LCA5: variants seen among roughly 807,000 people sequenced by gnomAD.
LCA5 encodes lebercilin.
Under a neutral mutation model 53.0 loss-of-function variants are expected in LCA5, and 37 were observed. The ratio of observed to expected loss-of-function variants is 0.70; its 90% confidence interval spans 0.54 to 0.92. The LOEUF (loss-of-function observed/expected upper bound fraction) is 0.92, where lower values mean the gene tolerates loss of function less well. Ranked by LOEUF, LCA5 falls within the 40% of genes least tolerant of loss-of-function variation. LCA5 has a pLI of 0.00. For missense variants in LCA5, 806 were observed against 790.5 expected (o/e 1.02, Z -0.23); for synonymous variants, 303 against 282.9 (o/e 1.07, Z -0.71).
At chr6:79,491,324 A>C (rs2127668491) in intron 6 of LCA5, among the ~76,000 whole-genome samples, 1 of 152,234 alleles carries the variant, frequency 6.6e-6, no homozygotes, top group South Asian at 2.1e-4. Context: ...ACATGTGCAC[A>C]ACGTGCAGGT....
chr6:79,530,494 C>G (rs960408143), intron 1 of LCA5, among the ~76,000 whole-genome samples: 1 of 152,082 alleles, frequency 6.6e-6, no homozygotes, highest in Admixed American at 6.6e-5. Flanking sequence ...TGCACATGTA[C>G]CCCTGAACTT....
chr6:79,486,652 C>T lies in LCA5; in HGVS notation c.*352G>A, dbSNP rs992799016. On this transcript the variant is annotated 3_prime_UTR_variant, in exon 8 of 8. Transcript: ENST00000369846. ...ATTAGTGGGAAGACTGTATTTAGCA[C>T]AGTGAGAATATGATTAAAAATAAAT... is the stretch of plus-strand genomic sequence containing the variant. The T allele has an allele frequency of 9.9e-6, 2 of 201,634 alleles. No individual in the cohort carries two copies. Among genetic ancestry groups the T allele is most frequent in the Admixed American group, 5.6e-5 (1 of 17,990 alleles). The allele number at this position is 201,634 out of a possible 1,614,324, so 12.5% of individuals were successfully genotyped here. A position where few individuals can be genotyped will look rare whatever the true frequency, so the allele number is the denominator to read the frequency against.
intron 1 of LCA5, 146 bp from the exon 2 acceptor site, chr6:79,519,231 A>G: frequency 8.7e-6 from 3 of 345,634 alleles, no homozygotes; most frequent in South Asian, 8.6e-5. Context: ...TTCACAGATA[A>G]GTTACTTACA....
At chr6:79,495,884 A>G (rs1279116353) in intron 3 of LCA5, among the ~76,000 whole-genome samples, 2 of 152,142 alleles carry the variant, frequency 1.3e-5, no homozygotes, top group East Asian at 3.9e-4. Context: ...TTGAAAAAAA[A>G]AATCTTTGCA....
chr6:79,501,860 A>G lies in LCA5; in HGVS notation c.721-8110T>C, dbSNP rs972548345. On this transcript the variant is annotated intron_variant, in intron 3 of 7. Transcript: ENST00000369846. Reference sequence around the variant, plus strand: ...ATAGAGTTCTATAACTGTATATTCTATAAGTATATAGTATAACAGTATAGT... The same window carrying G: ...ATAGAGTTCTATAACTGTATATTCTGTAAGTATATAGTATAACAGTATAGT... 3.3e-5 allele frequency among the ~76,000 whole-genome samples: 5 copies of G among 151,484 alleles called. No homozygotes were observed. In the East Asian group the frequency reaches 5.8e-4, roughly 18 times the overall value.
chr6:79,509,059 T>G (rs1045464966), intron 3 of LCA5, among the ~76,000 whole-genome samples: 2 of 152,076 alleles, frequency 1.3e-5, no homozygotes, highest in African/African-American at 4.8e-5. Context: ...TAGAGAACAA[T>G]TACCCTCAGG....
At position 79,487,574 on chromosome 6, in the gene LCA5, T is replaced by C. The variant is rs1582610671; in HGVS notation, c.1524A>G (p.Thr508=). The C allele has an allele frequency of 5.0e-6, 8 of 1,614,052 alleles. No homozygotes were observed. The East Asian group carries it at 1.6e-4, about 31-fold the overall frequency. The change falls in exon 8 of 8, where the codon ACA becomes ACG. Residue 508 remains threonine, a synonymous_variant. Coordinates refer to ENST00000369846, the MANE Select transcript of LCA5 (RefSeq NM_001122769.3). ...KLHSPERSPK[T]YRFSESSERL... is the part of the protein sequence containing the mutation. The stretch of plus-strand genomic sequence containing the variant: ...TCTCTGAGGATTCAGAGAACCTGTA[T>C]GTTTTGGGGCTTCTCTCTGGGGAGT...
chr6:79,536,628 T>TAGAA (rs1053513414), intron 1 of LCA5, among the ~76,000 whole-genome samples: 4 of 152,208 alleles, frequency 2.6e-5, no homozygotes, highest in African/African-American at 9.7e-5. Flanking sequence ...GAAGGATGTA[T>TAGAA]AGAAGTATCA....
intron 1 of LCA5, among the ~76,000 whole-genome samples, chr6:79,528,223 G>A (rs1485242400): frequency 1.3e-5 from 2 of 152,150 alleles, no homozygotes; most frequent in East Asian, 3.9e-4. Context: ...CTGCATTGCG[G>A]AGGTCAAATC....
chr6:79,495,372 C>T (rs991342247), intron 3 of LCA5, among the ~76,000 whole-genome samples: 2 of 151,586 alleles, frequency 1.3e-5, no homozygotes, highest in African/African-American at 2.4e-5. Context: ...CCCTCTGTGT[C>T]TGTAGGGGAT....
chr6:79,503,127 C>A (rs1392701432), intron 3 of LCA5, among the ~76,000 whole-genome samples: 1 of 152,198 alleles, frequency 6.6e-6, no homozygotes, highest in East Asian at 1.9e-4. Context: ...ACTGATCCAT[C>A]TGCCTTGGCC....
intron 3 of LCA5, among the ~76,000 whole-genome samples, chr6:79,501,207 C>A (rs558031095): frequency 6.6e-6 from 1 of 152,190 alleles, no homozygotes; most frequent in South Asian, 2.1e-4. Flanking sequence ...TTATTTTAGG[C>A]CAGATTTTGA....
intron 1 of LCA5, among the ~76,000 whole-genome samples, chr6:79,532,967 A>C (rs538637581): frequency 6.6e-6 from 1 of 152,300 alleles, no homozygotes; most frequent in Non-Finnish European, 1.5e-5. Context: ...GAAAATATTA[A>C]ATCTTCCCTC....
chr6:79,538,602 G>C (rs1311807928), upstream of LCA5, among the ~76,000 whole-genome samples: 1 of 152,132 alleles, frequency 6.6e-6, no homozygotes, highest in Non-Finnish European at 1.5e-5. Context: ...TGTTAAAATA[G>C]CTCACTCGTT....
intron 4 of LCA5, among the ~76,000 whole-genome samples, chr6:79,493,338 T>G (rs1769892185): frequency 6.6e-6 from 1 of 152,282 alleles, no homozygotes; most frequent in Admixed American, 6.5e-5. Context: ...GAAGCTCTAG[T>G]TCCCATAATT....
intron 1 of LCA5, among the ~76,000 whole-genome samples, chr6:79,524,793 G>A (rs1398327270): frequency 1.3e-5 from 2 of 151,968 alleles, no homozygotes; most frequent in African/African-American, 4.8e-5. Flanking sequence ...ATACCAGTGA[G>A]CCTTTTTTGT....
At chr6:79,536,862 AG>A (rs1767149481) in intron 1 of LCA5, among the ~76,000 whole-genome samples, 1 of 152,048 alleles carries the variant, frequency 6.6e-6, no homozygotes, top group Admixed American at 6.6e-5. Flanking sequence ...TCTCGGTCCC[AG>A]GAAGTAAATA....
intron 1 of LCA5, among the ~76,000 whole-genome samples, chr6:79,531,244 T>G (rs1766951524): frequency 6.6e-6 from 1 of 152,166 alleles, no homozygotes; most frequent in African/African-American, 2.4e-5. Flanking sequence ...CCCTCTCAAC[T>G]CTGCTAAAAC....
At chr6:79,530,713 A>C (rs942600036) in intron 1 of LCA5, among the ~76,000 whole-genome samples, 1 of 152,092 alleles carries the variant, frequency 6.6e-6, no homozygotes, top group Non-Finnish European at 1.5e-5. Flanking sequence ...TTTCCTAGAG[A>C]ATGGAAACTT....
Sources: allele counts gnomAD v4.1 joint callset (sites outside exome capture counted in the v4.1 genomes callset), GRCh38; gene constraint gnomAD v4.1.1; transcripts MANE v1.5; gene names NCBI Gene and HGNC (gene_info 2026-07-23, HGNC 2026-07-21).